CERT1: variants seen among roughly 807,000 people sequenced by gnomAD.
CERT1 encodes ceramide transporter 1.
A neutral mutation model predicts 87.9 loss-of-function variants in CERT1; 31 were observed. The observed-to-expected ratio is 0.35, with a 90% CI of 0.27 to 0.48. The LOEUF (loss-of-function observed/expected upper bound fraction) is 0.48. CERT1 is among the 20% of genes least tolerant of loss of function. CERT1 has a pLI of 0.99. For synonymous variants in CERT1, 289 were observed against 250.9 expected, an observed-to-expected ratio of 1.15 and a Z score of -1.44; for missense variants, 487 against 758.0, an observed-to-expected ratio of 0.64 and a Z score of 4.20.
In CERT1 at chr5:75,384,690, C is replaced by G. The variant is rs1761715808; in HGVS notation, c.1440G>C (p.Val480=). The G allele has an allele frequency of 3.1e-6, 5 of 1,602,150 alleles. No homozygotes were observed. Among genetic ancestry groups the G allele is most frequent in the Non-Finnish European group, 4.3e-6 (5 of 1,169,774 alleles). Residue 480 remains valine, a synonymous_variant, in exon 14 of 17, where the codon GTG becomes GTC. Transcript: ENST00000643780. The stretch of plus-strand genomic sequence containing the variant: ...TTGCATTATCAGCTAATGTTTCCAC[C>G]ACATGAAAGTTTTCTATAGTTGCTG... ...DWETTIENFH[V]VETLADNAII...
At chr5:75,395,609 C>G (rs1179902830) in intron 11 of CERT1, among the ~76,000 whole-genome samples, 1 of 149,680 alleles carries the variant, frequency 6.7e-6, no homozygotes, top group Non-Finnish European at 1.5e-5. Context: ...GGCCTGTAAT[C>G]CCAGCACTTT....
At chr5:75,464,234 A>C (rs1159229149) in intron 2 of CERT1, among the ~76,000 whole-genome samples, 2 of 152,160 alleles carry the variant, frequency 1.3e-5, no homozygotes, top group Non-Finnish European at 2.9e-5. Context: ...TGGAGGCAGC[A>C]GGTAGCACTA....
intron 7 of CERT1, among the ~76,000 whole-genome samples, chr5:75,411,533 C>T (rs937608516): frequency 3.3e-5 from 5 of 152,048 alleles, no homozygotes; most frequent in African/African-American, 9.7e-5. Context: ...AGGCTTTTCT[C>T]GAACTCCTCA....
At chr5:75,377,397 T>C (rs1416004922), downstream of CERT1, 1 of 152,202 alleles carries the variant, frequency 6.6e-6, no homozygotes, top group Non-Finnish European at 1.5e-5. Context: ...TTTTCCCACA[T>C]ATAAACTTGC....
intron 2 of CERT1, among the ~76,000 whole-genome samples, chr5:75,502,947 C>A (rs1218469935): frequency 6.6e-6 from 1 of 151,992 alleles, no homozygotes; most frequent in African/African-American, 2.4e-5. Context: ...AACACTTATT[C>A]TACATACAAA....
intron 5 of CERT1, 88 bp from the exon 6 acceptor site, chr5:75,419,512 G>A: frequency 1.2e-6 from 1 of 837,616 alleles, no homozygotes. Flanking sequence ...TTTTACTCTG[G>A]ATTCTGATTC....
chr5:75,478,460 A>G (rs1245229657), intron 2 of CERT1, among the ~76,000 whole-genome samples: 1 of 152,204 alleles, frequency 6.6e-6, no homozygotes, highest in African/African-American at 2.4e-5. Context: ...GTGACGGAGG[A>G]CAAGATAAGA....
chr5:75,434,189 T>TG (rs1317780118), intron 3 of CERT1, among the ~76,000 whole-genome samples: 2 of 150,090 alleles, frequency 1.3e-5, no homozygotes, highest in East Asian at 2.0e-4. Context: ...TGTTGAGGTT[T>TG]TTTTTTTTTT....
chr5:75,434,506 T>A lies in CERT1; in HGVS notation c.349-8028A>T, dbSNP rs550080147. Among the ~76,000 whole-genome samples the A allele has an allele frequency of 2.0e-4, 30 of 152,240 alleles. No individual in the cohort carries two copies. The East Asian group carries it at 3.3e-3, about 17-fold the overall frequency. ...TATAAGAATGATGCTGGCCTCAGAA[T>A]GAGTTAGGGAGGAATATGTACTCCT... On this transcript the variant is annotated intron_variant, in intron 3 of 16. Transcript: ENST00000643780.
At chr5:75,495,654 A>C (rs189014903) in intron 2 of CERT1, among the ~76,000 whole-genome samples, 1 of 152,306 alleles carries the variant, frequency 6.6e-6, no homozygotes, top group Admixed American at 6.5e-5. Flanking sequence ...TGCACTACTT[A>C]ACGAGTTGTC....
At chr5:75,391,131 A>T (rs1762015107) in intron 11 of CERT1, among the ~76,000 whole-genome samples, 1 of 152,112 alleles carries the variant, frequency 6.6e-6, no homozygotes, top group African/African-American at 2.4e-5. Flanking sequence ...CATCCAGTTA[A>T]TTTTTTGTAG....
intron 2 of CERT1, among the ~76,000 whole-genome samples, chr5:75,483,082 G>T (rs192915619): frequency 2.0e-5 from 3 of 152,254 alleles, no homozygotes; most frequent in African/African-American, 4.8e-5. Context: ...AGAGAAATGT[G>T]CCCTTTAAGA....
At chr5:75,471,770 A>AG (rs886812973) in intron 2 of CERT1, among the ~76,000 whole-genome samples, 2 of 151,510 alleles carry the variant, frequency 1.3e-5, no homozygotes, top group African/African-American at 4.9e-5. Context: ...AAAAAAAAAA[A>AG]AAAAAGAAAA....
intron 1 of CERT1, among the ~76,000 whole-genome samples, chr5:75,510,076 C>T (rs1305450013): frequency 2.0e-5 from 3 of 152,094 alleles, no homozygotes; most frequent in South Asian, 2.1e-4. Context: ...AAATAATGTC[C>T]AAGTGATTTG....
At chr5:75,475,247 A>AT (rs1459739126) in intron 2 of CERT1, among the ~76,000 whole-genome samples, 1 of 152,148 alleles carries the variant, frequency 6.6e-6, no homozygotes, top group Non-Finnish European at 1.5e-5. Context: ...AGACATTTCA[A>AT]TTTTCTGGTA....
intron 8 of CERT1, among the ~76,000 whole-genome samples, chr5:75,409,748 C>T (rs1270550494): frequency 2.0e-5 from 3 of 151,572 alleles, no homozygotes; most frequent in East Asian, 3.9e-4. Flanking sequence ...AGGCTGGTCT[C>T]GAGCTCTTGA....
intron 3 of CERT1, among the ~76,000 whole-genome samples, chr5:75,448,633 C>T (rs142758888): frequency 2.0e-5 from 3 of 152,284 alleles, no homozygotes; most frequent in Admixed American, 6.5e-5. Flanking sequence ...GTTTATATTG[C>T]TGTCAATATG....
intron 2 of CERT1, among the ~76,000 whole-genome samples, chr5:75,462,227 T>C (rs1459457432): frequency 2.6e-5 from 4 of 152,148 alleles, no homozygotes; most frequent in Admixed American, 2.0e-4. Flanking sequence ...GTGATAAATA[T>C]AAGATATGAT....
At chr5:75,419,533 G>T in intron 5 of CERT1, 109 bp from the exon 6 acceptor site, 6 of 717,970 alleles carry the variant, frequency 8.4e-6, no homozygotes, top group Non-Finnish European at 1.4e-5. Context: ...TGAGTATGAA[G>T]TCTTACTCAT....
Sources: gnomAD v4.1 joint callset for allele counts (sites outside exome capture counted in the v4.1 genomes callset) on GRCh38, gnomAD v4.1.1 for gene constraint, MANE v1.5 for transcripts, NCBI Gene and HGNC (gene_info 2026-07-23, HGNC 2026-07-21) for gene names.